The following EFHD2 variants were observed in gnomAD, a reference collection of about 807,000 sequenced individuals.
EFHD2 encodes the protein EF-hand domain family member D2.
In EFHD2, 12 loss-of-function variants were observed where a neutral mutation model predicts 20.3. The ratio of observed to expected loss-of-function variants is 0.59; its 90% CI spans 0.38 to 0.96. The LOEUF (loss-of-function observed/expected upper bound fraction) is 0.96. EFHD2 is among the 40% of genes least tolerant of loss of function. The probability of loss-of-function intolerance (pLI) is 0.00; values close to 1 mark genes in which losing one functional copy is unlikely to be tolerated. For synonymous variants in EFHD2, 131 were observed against 143.9 expected (o/e 0.91, Z 0.64); for missense variants, 250 against 334.3 (o/e 0.75, Z 1.97).
At chr1:15,419,352 C>G (rs906886768) in intron 1 of EFHD2, among the ~76,000 whole-genome samples, 5 of 152,224 alleles carry the variant, frequency 3.3e-5, no homozygotes, top group African/African-American at 7.2e-5. Context: ...TGCCAGGCCC[C>G]GCAGCCTCCC....
chr1:15,417,559 C>T (rs1707694133), intron 1 of EFHD2, among the ~76,000 whole-genome samples: 1 of 152,094 alleles, frequency 6.6e-6, no homozygotes, highest in Non-Finnish European at 1.5e-5. Flanking sequence ...CTCTATCTCT[C>T]CGTCTCTCTC....
intron 1 of EFHD2, among the ~76,000 whole-genome samples, chr1:15,410,511 C>T (rs1707464602): frequency 1.3e-5 from 2 of 152,086 alleles, no homozygotes; most frequent in African/African-American, 4.8e-5. Context: ...GGCGGAGACT[C>T]GTATTTGTGC....
At chr1:15,427,753 A>C in intron 3 of EFHD2, 1 of 370,516 alleles carries the variant, frequency 2.7e-6, no homozygotes, top group East Asian at 7.5e-5. Context: ...CCTGTGATCT[A>C]GTGGCTCCTG....
intron 1 of EFHD2, among the ~76,000 whole-genome samples, chr1:15,423,871 T>A (rs1707831369): frequency 6.6e-6 from 1 of 152,130 alleles, no homozygotes; most frequent in African/African-American, 2.4e-5. Flanking sequence ...CCTGGGGGAC[T>A]GCACAAGCCT....
chr1:15,415,253 C>T (rs74709175), intron 1 of EFHD2, among the ~76,000 whole-genome samples: 4,626 of 152,196 alleles, frequency 0.03, 114 homozygotes, highest in Non-Finnish European at 0.042. Context: ...GAGGATTGCA[C>T]CCACAAGGCT....
At chr1:15,415,490 C>CTTT (rs775986699) in intron 1 of EFHD2, among the ~76,000 whole-genome samples, 35 of 138,312 alleles carry the variant, frequency 2.5e-4, no homozygotes, top group Admixed American at 5.1e-4. Context: ...CTTTGTTTTC[C>CTTT]TTTTTTTTTT....
At chr1:15,416,837 G>A (rs1374711278) in intron 1 of EFHD2, among the ~76,000 whole-genome samples, 1 of 151,936 alleles carries the variant, frequency 6.6e-6, no homozygotes, top group Non-Finnish European at 1.5e-5. Flanking sequence ...AAGAGACAGA[G>A]TCTTGCTCTG....
intron 1 of EFHD2, among the ~76,000 whole-genome samples, chr1:15,423,968 T>A (rs1243128055): frequency 1.3e-5 from 2 of 151,902 alleles, no homozygotes; most frequent in Admixed American, 6.6e-5. Flanking sequence ...TGTAGGAGGA[T>A]TGCTTGAGCC....
In EFHD2 at chr1:15,429,306, G is replaced by C. The variant is rs6695620; in HGVS notation, c.*582G>C. On this transcript the variant is annotated 3_prime_UTR_variant, in exon 4 of 4. Transcript: ENST00000375980. ...TCTTCCATCTACTGAAATGGGAGAGGGGGTGGGGAGCTTCTGTTCTGGTGA... is the reference window on the plus strand; with the variant it reads ...TCTTCCATCTACTGAAATGGGAGAGCGGGTGGGGAGCTTCTGTTCTGGTGA... The C allele has an allele frequency of 0.03, 4,714 of 154,840 alleles. 103 individuals carry two copies. Among genetic ancestry groups the C allele is most frequent in the Admixed American group, 0.065 (1,021 of 15,598 alleles). The allele number at this position is 154,840 out of a possible 1,614,324, so 9.6% of individuals were successfully genotyped here.
At chr1:15,428,215 G>A (rs554862375) in intron 3 of EFHD2, among the ~76,000 whole-genome samples, 39 of 152,114 alleles carry the variant, frequency 2.6e-4, no homozygotes, top group East Asian at 5.8e-4. Context: ...TCATAAGGCC[G>A]GGCGCAGTGG....
At chr1:15,422,238 G>A (rs1334597720) in intron 1 of EFHD2, among the ~76,000 whole-genome samples, 27 of 151,840 alleles carry the variant, frequency 1.8e-4, no homozygotes, top group Non-Finnish European at 1.2e-4. Context: ...GATTACAGGT[G>A]CCTGCCACCA....
chr1:15,424,190 A>G (rs1243071266), intron 1 of EFHD2, among the ~76,000 whole-genome samples: 1 of 151,958 alleles, frequency 6.6e-6, no homozygotes, highest in East Asian at 1.9e-4. Flanking sequence ...AAAGAAAAAA[A>G]AAAAAAAGAA....
intron 1 of EFHD2, among the ~76,000 whole-genome samples, chr1:15,418,203 T>C (rs1707715043): frequency 6.6e-6 from 1 of 151,458 alleles, no homozygotes; most frequent in Admixed American, 6.6e-5. Context: ...TTGGCCAAGC[T>C]GGTCTCAAAC....
intron 1 of EFHD2, 75 bp downstream of exon 1, chr1:15,410,354 A>G: frequency 1.4e-6 from 2 of 1,440,788 alleles, no homozygotes; most frequent in Non-Finnish European, 1.8e-6. Flanking sequence ...CGATCCCCGG[A>G]TCCCGCTCCG....
rs776037249 is a variant in EFHD2, at chr1:15,427,274, T to C, written c.581T>C (p.Phe194Ser). The change falls in exon 3 of 4, where the codon TTT becomes TCT. Residue 194 changes from phenylalanine (F) to serine (S), a missense_variant. By Grantham distance (155) the Phe-to-Ser change is radical. This residue lies in a region of EFHD2 where 100 missense variants were observed against 116.2 expected (regional missense o/e 0.86). Coordinates refer to ENST00000375980, the MANE Select transcript of EFHD2 (RefSeq NM_024329.6). ...SEGVKGAKSF[F>S]EAKVQAINVS... ...GGTGTCAAGGGGGCCAAGAGCTTCTTTGAGGCCAAGGTGAGGAGCCCAAGG... is the reference window on the plus strand; with the variant it reads ...GGTGTCAAGGGGGCCAAGAGCTTCTCTGAGGCCAAGGTGAGGAGCCCAAGG... 6.2e-7 allele frequency: 1 copy of C among 1,606,580 alleles called. No individual in the cohort carries two copies. The highest frequency in any genetic ancestry group is 1.3e-5 in the African/African-American group (1 of 75,014).
chr1:15,420,109 T>C lies in EFHD2; in HGVS notation c.309-5762T>C, dbSNP rs552842880. On this transcript the variant is annotated intron_variant, in intron 1 of 3. Coordinates refer to ENST00000375980, the MANE Select transcript of EFHD2 (RefSeq NM_024329.6). ...CCACAAGCCCTGCCTCCCAACCCTG[T>C]ACCACCAGTCAGGACTGGAGCCTGT... 4.6e-5 allele frequency among the ~76,000 whole-genome samples: 7 copies of C among 152,360 alleles called. No homozygotes were observed. In the East Asian group the frequency reaches 1.2e-3, roughly 25 times the overall value.
At chr1:15,419,978 G>A (rs889531785) in intron 1 of EFHD2, among the ~76,000 whole-genome samples, 5 of 152,140 alleles carry the variant, frequency 3.3e-5, no homozygotes, top group African/African-American at 9.7e-5. Context: ...GAGATGCTGG[G>A]GCTTTGCGTC....
intron 1 of EFHD2, among the ~76,000 whole-genome samples, chr1:15,417,305 A>C (rs746368523): frequency 9.9e-5 from 15 of 152,212 alleles, no homozygotes; most frequent in Non-Finnish European, 2.1e-4. Flanking sequence ...TTACGTTATA[A>C]ACACTGGGTT....
Position 15,426,091 on chromosome 1 carries a change from A to T in EFHD2, c.456+73A>T. ...GGACCTGGTGGCCCGGGAGAGACCA[A>T]CCCCCACCCTTTGTCAATGAATGAA... On this transcript the variant is annotated intron_variant, in intron 2 of 3. Transcript: ENST00000375980. This position sits in a 1 kb window ranked among gnomAD's most constrained non-coding sequence, Gnocchi z 4.6. 2 of 1,427,764 alleles carry T rather than the reference A, an allele frequency of 1.4e-6. No homozygotes were observed. Among genetic ancestry groups the T allele is most frequent in the Non-Finnish European group, 1.9e-6 (2 of 1,075,848 alleles). 88.4% of individuals were successfully genotyped at this position (1,427,764 alleles called of 1,614,324 possible). A position where few individuals can be genotyped will look rare whatever the true frequency, so the allele number is the denominator to read the frequency against.
Sources: gnomAD v4.1 joint callset for allele counts (sites outside exome capture counted in the v4.1 genomes callset) on GRCh38, gnomAD v4.1.1 for gene constraint, gnomAD v4.1.1 regional missense constraint, Gnocchi (gnomAD v3.1) non-coding constraint, MANE v1.5 for transcripts, NCBI Gene and HGNC (gene_info 2026-07-23, HGNC 2026-07-21) for gene names.